CPNE5: variants seen among roughly 807,000 people sequenced by gnomAD.
The protein encoded by CPNE5 is copine 5, also known as copine-5.
In CPNE5, 42 loss-of-function variants were observed where a neutral mutation model predicts 81.1. The ratio of observed to expected loss-of-function variants is 0.52; its 90% CI spans 0.40 to 0.67. CPNE5 has a LOEUF of 0.67. CPNE5 is among the 30% of genes least tolerant of loss of function. The probability of loss-of-function intolerance (pLI) is 0.00; values close to 1 mark genes in which losing one functional copy is unlikely to be tolerated. For missense variants in CPNE5, 612 were observed against 815.5 expected (o/e 0.75, Z 3.04); for synonymous variants, 313 against 321.5 (o/e 0.97, Z 0.28).
rs1428832734 is a variant in CPNE5 at position 36,742,050 on chromosome 6, C to G, written c.*218G>C. On this transcript the variant is annotated 3_prime_UTR_variant, in exon 21 of 21. Coordinates refer to ENST00000244751, the MANE Select transcript of CPNE5 (RefSeq NM_020939.2). ...AAGAGAAGGGCTGGGTCCCTGTGTA[C>G]CCCTCTTTCACCCGTACCCCCCTAA... 1.8e-6 allele frequency: 1 copy of G among 552,026 alleles called. No homozygotes were observed. Among genetic ancestry groups the G allele is most frequent in the African/African-American group, 1.9e-5 (1 of 52,894 alleles). 34.2% of individuals were successfully genotyped at this position (552,026 alleles called of 1,614,324 possible). A position where few individuals can be genotyped will look rare whatever the true frequency, so the allele number is the denominator to read the frequency against.
intron 12 of CPNE5, among the ~76,000 whole-genome samples, chr6:36,756,571 C>A (rs1366113451): frequency 6.6e-6 from 1 of 152,224 alleles, no homozygotes; most frequent in Non-Finnish European, 1.5e-5. Context: ...TTCCCCGGAA[C>A]ACACGCACCC....
chr6:36,793,729 G>C (rs529816060), intron 7 of CPNE5, among the ~76,000 whole-genome samples: 4 of 152,088 alleles, frequency 2.6e-5, no homozygotes, highest in African/African-American at 9.7e-5. Context: ...GAGCATCCCC[G>C]GGCCCGCCGG....
chr6:36,784,434 A>G (rs533813106), intron 8 of CPNE5, among the ~76,000 whole-genome samples: 13 of 152,302 alleles, frequency 8.5e-5, no homozygotes, highest in African/African-American at 3.1e-4. Context: ...TTGGAAGGTC[A>G]CTCTGCCTTT....
chr6:36,746,341 T>A lies in CPNE5; in HGVS notation c.1200+55A>T. On this transcript the variant is annotated intron_variant, in intron 16 of 20. Coordinates refer to ENST00000244751, the MANE Select transcript of CPNE5 (RefSeq NM_020939.2). This position sits in a 1 kb window ranked among gnomAD's most constrained non-coding sequence, Gnocchi z 4.5. ...GGGAAACGTCCCCCCACCCCCAGCT[T>A]GTCACCTCACCCCCAGCCTGATCAG... 1.9e-6 allele frequency: 2 copies of A among 1,043,790 alleles called. No homozygotes were observed. 64.7% of individuals were successfully genotyped at this position (1,043,790 alleles called of 1,614,324 possible).
chr6:36,824,028 C>T (rs1311766164), intron 1 of CPNE5, among the ~76,000 whole-genome samples: 1 of 152,180 alleles, frequency 6.6e-6, no homozygotes, highest in Non-Finnish European at 1.5e-5. Context: ...AGTCATTCAA[C>T]CTCTCTGAGC....
intron 3 of CPNE5, among the ~76,000 whole-genome samples, chr6:36,812,723 A>ATT (rs1771206858): frequency 6.6e-6 from 1 of 152,218 alleles, no homozygotes; most frequent in Non-Finnish European, 1.5e-5. Flanking sequence ...GATCACGGGG[A>ATT]GTCAGAGCCC....
chr6:36,811,295 G>C (rs936782036), intron 3 of CPNE5, among the ~76,000 whole-genome samples: 2 of 152,206 alleles, frequency 1.3e-5, no homozygotes, highest in African/African-American at 4.8e-5. Flanking sequence ...GATAGCTCCT[G>C]CCAAATGGCA....
intron 12 of CPNE5, 148 bp downstream of exon 12, chr6:36,762,769 C>T: frequency 1.5e-6 from 1 of 645,564 alleles, no homozygotes; most frequent in Non-Finnish European, 2.7e-6. Context: ...TTCTCCAAGA[C>T]TTGGTCTCCT....
intron 9 of CPNE5, among the ~76,000 whole-genome samples, chr6:36,776,951 A>G (rs236420): frequency 0.75 from 113,866 of 152,194 alleles, 42,872 homozygotes; most frequent in Middle Eastern, 0.82. Context: ...TCACAGGGGC[A>G]GGATACTGGC....
In CPNE5 at chr6:36,800,931, A is replaced by C. The variant is rs371589329; in HGVS notation, c.184-861T>G. Among the ~76,000 whole-genome samples, 5 of 152,182 alleles carry C rather than the reference A, an allele frequency of 3.3e-5. No homozygotes were observed. The East Asian group carries it at 9.6e-4, about 29-fold the overall frequency. Reference sequence around the variant, plus strand: ...GAATCCTGCCAACAACCACTGGGTGAGCTTGCAAGCAAATCTTGCCCAGTT... The same window carrying C: ...GAATCCTGCCAACAACCACTGGGTGCGCTTGCAAGCAAATCTTGCCCAGTT... On this transcript the variant is annotated intron_variant, in intron 3 of 20. Coordinates refer to ENST00000244751, the MANE Select transcript of CPNE5 (RefSeq NM_020939.2).
chr6:36,787,835 A>G (rs920223823), intron 8 of CPNE5, among the ~76,000 whole-genome samples: 1 of 152,114 alleles, frequency 6.6e-6, no homozygotes, highest in Non-Finnish European at 1.5e-5. Flanking sequence ...CACCGCCACC[A>G]TCCTGGCTGG....
intron 3 of CPNE5, among the ~76,000 whole-genome samples, chr6:36,820,978 G>A (rs1056924816): frequency 6.6e-6 from 1 of 152,032 alleles, no homozygotes; most frequent in African/African-American, 2.4e-5. Flanking sequence ...CAGGGTATGG[G>A]AGATGAGAAA....
chr6:36,747,583 A>T (rs1273196101), intron 15 of CPNE5, among the ~76,000 whole-genome samples: 1 of 152,170 alleles, frequency 6.6e-6, no homozygotes. Context: ...CTATAAGAGG[A>T]GCTCCTGACA....
At chr6:36,756,207 G>A in intron 13 of CPNE5, 38 bp downstream of exon 13, 1 of 1,589,470 alleles carries the variant, frequency 6.3e-7, no homozygotes, top group Non-Finnish European at 8.6e-7. Flanking sequence ...GGCTCAGAAT[G>A]TCTACACCCG....
chr6:36,822,761 C>T (rs1262395366), intron 2 of CPNE5, among the ~76,000 whole-genome samples: 1 of 152,228 alleles, frequency 6.6e-6, no homozygotes, highest in Non-Finnish European at 1.5e-5. Context: ...CACCAGGTCA[C>T]AGCCAGCTGG....
intron 3 of CPNE5, among the ~76,000 whole-genome samples, chr6:36,819,994 G>A (rs562002689): frequency 4.5e-4 from 68 of 152,280 alleles, no homozygotes; most frequent in Non-Finnish European, 8.2e-4. Context: ...CTTCAGCTCC[G>A]CCGCTCAGCA....
intron 1 of CPNE5, among the ~76,000 whole-genome samples, chr6:36,835,628 T>G (rs926351958): frequency 6.6e-6 from 1 of 152,140 alleles, no homozygotes; most frequent in Non-Finnish European, 1.5e-5. Context: ...AAACCTTGTC[T>G]CTACTAAAAA....
intron 11 of CPNE5, among the ~76,000 whole-genome samples, chr6:36,764,040 C>T (rs1213334314): frequency 2.6e-5 from 4 of 152,150 alleles, no homozygotes; most frequent in Non-Finnish European, 4.4e-5. Context: ...CTGGGGCATC[C>T]AGCCGGAGAC....
chr6:36,834,078 C>CAA (rs78536396), intron 1 of CPNE5, among the ~76,000 whole-genome samples: 2 of 147,976 alleles, frequency 1.4e-5, no homozygotes, highest in South Asian at 2.2e-4. Flanking sequence ...AACAAACGAA[C>CAA]AAAAAAAAAT....
Sources: gnomAD v4.1 joint callset for allele counts (sites outside exome capture counted in the v4.1 genomes callset) on GRCh38, gnomAD v4.1.1 for gene constraint, Gnocchi (gnomAD v3.1) non-coding constraint, MANE v1.5 for transcripts, NCBI Gene and HGNC (gene_info 2026-07-23, HGNC 2026-07-21) for gene names.